The following NAV2 variants were observed in gnomAD, a reference collection of about 807,000 sequenced individuals.
The protein encoded by NAV2 is helicase, APC down-regulated 1.
A neutral mutation model predicts 223.2 loss-of-function variants in NAV2; 54 were observed. That is an observed-to-expected ratio of 0.24 (90% CI 0.19 to 0.30). NAV2 has a LOEUF of 0.30. NAV2 is among the 10% of genes least tolerant of loss of function. NAV2 has a pLI of 1.00. For synonymous variants in NAV2, 1,279 were observed against 1,239.3 expected (o/e 1.03, Z -0.67); for missense variants, 2,806 against 3,147.5 (o/e 0.89, Z 2.60).
At chr11:20,097,814 G>C in intron 31 of NAV2, 69 bp downstream of exon 31, 2 of 1,390,968 alleles carry the variant, frequency 1.4e-6, no homozygotes, top group Non-Finnish European at 1.9e-6. Context: ...CTTGGCATAG[G>C]CACTTGTGGC....
At chr11:19,618,970 C>T (rs2046900518) in intron 1 of NAV2, among the ~76,000 whole-genome samples, 1 of 168 alleles carries the variant, frequency 6.0e-3, no homozygotes, top group African/African-American at 0.033. Context: ...CAAGTGTTCT[C>T]ATTGTTCAAT....
intron 7 of NAV2, among the ~76,000 whole-genome samples, chr11:19,936,260 T>C (rs946633940): frequency 4.6e-5 from 7 of 152,180 alleles, no homozygotes; most frequent in Admixed American, 3.9e-4. Context: ...AGGTAATACA[T>C]ATTCAGGATT....
At chr11:19,487,788 G>T (rs1470417270) in intron 1 of NAV2, among the ~76,000 whole-genome samples, 1 of 152,084 alleles carries the variant, frequency 6.6e-6, no homozygotes, top group Non-Finnish European at 1.5e-5. Flanking sequence ...ATCTCCCTCT[G>T]GGACCCTGTA....
At chr11:19,963,744 A>G (rs1198878300) in intron 10 of NAV2, among the ~76,000 whole-genome samples, 1 of 152,220 alleles carries the variant, frequency 6.6e-6, no homozygotes, top group African/African-American at 2.4e-5. Context: ...ACTTGTGTCA[A>G]CATTCCCCAG....
At chr11:19,424,938 C>G (rs936464650) in intron 1 of NAV2, among the ~76,000 whole-genome samples, 1 of 152,090 alleles carries the variant, frequency 6.6e-6, no homozygotes, top group East Asian at 1.9e-4. Context: ...AGTAATTTTG[C>G]TATGTCCCCA....
intron 1 of NAV2, among the ~76,000 whole-genome samples, chr11:19,821,685 G>A (rs61876751): frequency 0.067 from 10,128 of 152,292 alleles, 419 homozygotes; most frequent in Non-Finnish European, 0.097. Flanking sequence ...AGATTGTTGT[G>A]AAACTATGTT....
rs1330748146 is a variant in NAV2, at chr11:20,119,193, T to A, written c.*935T>A. 1 of 152,098 alleles carries A rather than the reference T, an allele frequency of 6.6e-6. No homozygotes were observed. The highest frequency in any genetic ancestry group is 1.5e-5 in the Non-Finnish European group (1 of 68,002). The allele number at this position is 152,098 out of a possible 1,614,324, so 9.4% of individuals were successfully genotyped here. On this transcript the variant is annotated 3_prime_UTR_variant, in exon 38 of 38. Transcript: ENST00000349880. ...TGCATTGATTTTTGAAGATTTTTTTTTCCCCCTTCCCCTCTTGGTCAGAAT... is the reference window on the plus strand; with the variant it reads ...TGCATTGATTTTTGAAGATTTTTTTATCCCCCTTCCCCTCTTGGTCAGAAT...
chr11:19,398,213 C>A (rs1030348920), intron 1 of NAV2, among the ~76,000 whole-genome samples: 1 of 151,948 alleles, frequency 6.6e-6, no homozygotes, highest in African/African-American at 2.4e-5. Flanking sequence ...AAATTGGGAG[C>A]CTGAATGTCA....
intron 1 of NAV2, among the ~76,000 whole-genome samples, chr11:19,585,522 G>T (rs1000807594): frequency 6.6e-6 from 1 of 152,166 alleles, no homozygotes; most frequent in Non-Finnish European, 1.5e-5. Context: ...GGTACCGGTT[G>T]TTCCTTTCCA....
At chr11:19,678,305 A>G (rs1168841791) in intron 1 of NAV2, among the ~76,000 whole-genome samples, 1 of 152,226 alleles carries the variant, frequency 6.6e-6, no homozygotes, top group African/African-American at 2.4e-5. Context: ...CGTTTTGTAC[A>G]TGAGAAATGA....
intron 22 of NAV2, among the ~76,000 whole-genome samples, chr11:20,075,408 TG>T (rs2059672633): frequency 2.9e-5 from 4 of 137,382 alleles, no homozygotes; most frequent in Non-Finnish European, 6.3e-5. Context: ...TTTGTTTGTT[TG>T]TTTTTGTATT....
chr11:19,771,004 T>TC (rs752436510), intron 1 of NAV2, among the ~76,000 whole-genome samples: 15 of 152,264 alleles, frequency 9.9e-5, no homozygotes, highest in Non-Finnish European at 2.1e-4. Context: ...TTTTTGATGG[T>TC]ACAGTGGAAA....
chr11:19,735,595 A>G (rs1407049660), intron 1 of NAV2, among the ~76,000 whole-genome samples: 1 of 152,236 alleles, frequency 6.6e-6, no homozygotes, highest in Admixed American at 6.5e-5. Context: ...TCACTTGCTA[A>G]GAATTATATA....
chr11:19,890,077 C>A (rs529024618), intron 5 of NAV2, among the ~76,000 whole-genome samples: 1 of 152,204 alleles, frequency 6.6e-6, no homozygotes, highest in Non-Finnish European at 1.5e-5. Context: ...AACTAACATA[C>A]GGTGGCTGGA....
At chr11:20,089,792 G>A (rs2060702363) in intron 26 of NAV2, among the ~76,000 whole-genome samples, 1 of 152,136 alleles carries the variant, frequency 6.6e-6, no homozygotes, top group Non-Finnish European at 1.5e-5. Context: ...TCTACTTTGT[G>A]CTGATTTGCC....
chr11:20,036,133 G>T lies in NAV2; in HGVS notation c.2907+36G>T, dbSNP rs2056343642. The T allele has an allele frequency of 3.7e-6, 6 of 1,613,436 alleles. No individual in the cohort carries two copies. The African/African-American group carries it at 8.0e-5, about 22-fold the overall frequency. On this transcript the variant is annotated intron_variant, in intron 12 of 37. Transcript: ENST00000349880. ...CAGGCCCTCCCAGGCTCCTCCAGCA[G>T]CCTCTGGCAGCAGGGAACCTTGGGC...
chr11:19,613,918 T>A (rs1472581967), intron 1 of NAV2, among the ~76,000 whole-genome samples: 1 of 152,244 alleles, frequency 6.6e-6, no homozygotes. Flanking sequence ...TTGCCTCATC[T>A]ACCTCACAGG....
chr11:19,844,655 T>C (rs2060688047), intron 3 of NAV2, among the ~76,000 whole-genome samples: 1 of 152,254 alleles, frequency 6.6e-6, no homozygotes, highest in South Asian at 2.1e-4. Flanking sequence ...GTTCAACCTG[T>C]AATATTGTCA....
At chr11:19,777,943 C>T (rs754759663) in intron 1 of NAV2, 42 of 455,804 alleles carry the variant, frequency 9.2e-5, no homozygotes, top group Non-Finnish European at 1.6e-4. Context: ...TTGATCTCTA[C>T]TGCGGTTTGG....
Sources: gnomAD v4.1 joint callset for allele counts (sites outside exome capture counted in the v4.1 genomes callset) on GRCh38, gnomAD v4.1.1 for gene constraint, MANE v1.5 for transcripts, NCBI Gene and HGNC (gene_info 2026-07-23, HGNC 2026-07-21) for gene names.